The following TAF4B variants were observed in gnomAD, a reference collection of about 807,000 sequenced individuals.
The protein encoded by TAF4B is transcription initiation factor TFIID subunit 4B.
A neutral mutation model predicts 86.4 loss-of-function variants in TAF4B; 38 were observed. The ratio of observed to expected loss-of-function variants is 0.44; its 90% CI spans 0.34 to 0.58. The LOEUF is 0.58. Ranked by LOEUF, TAF4B falls within the 20% of genes least tolerant of loss-of-function variation. TAF4B has a pLI of 0.02. For missense variants in TAF4B, 988 were observed against 1,027.6 expected (o/e 0.96, Z 0.53); for synonymous variants, 388 against 391.2 (o/e 0.99, Z 0.10).
intron 14 of TAF4B, among the ~76,000 whole-genome samples, chr18:26,364,956 C>T (rs1368331463): frequency 6.6e-6 from 1 of 151,110 alleles, no homozygotes; most frequent in Non-Finnish European, 1.5e-5. Context: ...TAGTATATGT[C>T]CTCTCCTTCT....
intron 1 of TAF4B, among the ~76,000 whole-genome samples, chr18:26,260,807 GAT>G (rs1248548313): frequency 2.0e-5 from 3 of 152,174 alleles, no homozygotes; most frequent in African/African-American, 7.2e-5. Context: ...TATCTCTAGT[GAT>G]ATTCTAGATG....
intron 1 of TAF4B, among the ~76,000 whole-genome samples, chr18:26,227,836 T>C (rs1401931463): frequency 1.3e-5 from 2 of 152,234 alleles, no homozygotes; most frequent in African/African-American, 4.8e-5. Flanking sequence ...AGTTCTTGTG[T>C]ATTACAACTG....
intron 9 of TAF4B, among the ~76,000 whole-genome samples, chr18:26,297,251 C>G (rs2056675272): frequency 6.6e-6 from 1 of 151,650 alleles, no homozygotes; most frequent in Non-Finnish European, 1.5e-5. Context: ...GTCCGAAGAA[C>G]AAAGAGAAGG....
intron 13 of TAF4B, chr18:26,348,633 C>T (rs1233408581): frequency 6.5e-6 from 1 of 153,220 alleles, no homozygotes; most frequent in African/African-American, 2.4e-5. Flanking sequence ...ATAAGTGTGT[C>T]AGTGCCTTTA....
intron 1 of TAF4B, among the ~76,000 whole-genome samples, chr18:26,242,619 C>T (rs563369415): frequency 6.6e-6 from 1 of 152,228 alleles, no homozygotes; most frequent in African/African-American, 2.4e-5. Context: ...GAATTTGATC[C>T]TGTCATTATG....
chr18:26,229,902 TTAAG>T (rs1023439593), intron 1 of TAF4B, among the ~76,000 whole-genome samples: 5 of 152,028 alleles, frequency 3.3e-5, no homozygotes, highest in African/African-American at 7.3e-5. Context: ...AATGAATACT[TTAAG>T]TATTTGATTC....
intron 13 of TAF4B, among the ~76,000 whole-genome samples, chr18:26,345,338 G>A (rs145971076): frequency 2.4e-3 from 359 of 152,266 alleles, no homozygotes; most frequent in Non-Finnish European, 3.0e-3. Context: ...TGTGTTTTTC[G>A]CAAAAGTAAC....
rs1284819407 is a variant in TAF4B, at chr18:26,285,161, C to T, written c.973-721C>T. Reference sequence around the variant, plus strand: ...TTAATTTTTGTGTTTTTTGTAGAGACGAGGTTTTACCATGTTGCCTAGGCT... The same window carrying T: ...TTAATTTTTGTGTTTTTTGTAGAGATGAGGTTTTACCATGTTGCCTAGGCT... On this transcript the variant is annotated intron_variant, in intron 6 of 14. Transcript: ENST00000269142. Among the ~76,000 whole-genome samples the T allele has an allele frequency of 3.7e-5, 5 of 136,366 alleles. No individual in the cohort carries two copies. The East Asian group carries it at 7.2e-4, about 20-fold the overall frequency. 89.5% of individuals were successfully genotyped at this position (136,366 alleles called of 152,430 possible).
intron 13 of TAF4B, among the ~76,000 whole-genome samples, chr18:26,346,319 T>G (rs1443374193): frequency 1.5e-5 from 1 of 67,394 alleles, no homozygotes; most frequent in Non-Finnish European, 3.1e-5. Flanking sequence ...AGACCCCCCC[T>G]CCCCCCAAAA....
intron 10 of TAF4B, among the ~76,000 whole-genome samples, chr18:26,320,512 C>T (rs565566318): frequency 2.0e-5 from 3 of 152,198 alleles, no homozygotes; most frequent in Admixed American, 6.5e-5. Context: ...GTTTTGAACC[C>T]ATTTGAACTT....
intron 9 of TAF4B, among the ~76,000 whole-genome samples, chr18:26,310,993 T>G (rs1211914453): frequency 1.3e-5 from 2 of 152,150 alleles, no homozygotes; most frequent in African/African-American, 4.8e-5. Context: ...TCTTGGAGAT[T>G]GTCTCATCAG....
intron 1 of TAF4B, among the ~76,000 whole-genome samples, chr18:26,231,034 CTTTTTTTTTTTTTTT>C (rs536863843): frequency 3.0e-5 from 2 of 66,164 alleles, no homozygotes; most frequent in Non-Finnish European, 5.6e-5. Flanking sequence ...TGTTGTTTTG[CTTTTTTTTTTTTTTT>C]TTTTTTTTTT....
chr18:26,337,424 CT>C (rs551888808), intron 13 of TAF4B, among the ~76,000 whole-genome samples: 5,181 of 125,956 alleles, frequency 0.041, 85 homozygotes, highest in Non-Finnish European at 0.057. Flanking sequence ...TTCTTTCTTT[CT>C]TTTTTTTTTT....
At chr18:26,371,204 A>G (rs1427274140) in intron 14 of TAF4B, among the ~76,000 whole-genome samples, 1 of 152,224 alleles carries the variant, frequency 6.6e-6, no homozygotes, top group African/African-American at 2.4e-5. Context: ...ATTCTACTGA[A>G]TCGACACATA....
intron 14 of TAF4B, among the ~76,000 whole-genome samples, chr18:26,387,217 C>T (rs1006211864): frequency 6.6e-6 from 1 of 152,124 alleles, no homozygotes; most frequent in Non-Finnish European, 1.5e-5. Context: ...AGACGCACAC[C>T]ACCATGCCTG....
intron 1 of TAF4B, among the ~76,000 whole-genome samples, chr18:26,258,210 C>T (rs1233701710): frequency 1.3e-5 from 2 of 150,378 alleles, no homozygotes; most frequent in African/African-American, 4.9e-5. Flanking sequence ...GCTGAGATCG[C>T]ACCACTGCAC....
chr18:26,265,786 T>G (rs1015600418), intron 2 of TAF4B, among the ~76,000 whole-genome samples: 35 of 152,180 alleles, frequency 2.3e-4, no homozygotes, highest in African/African-American at 8.4e-4. Context: ...CTTGAATTCT[T>G]GGGCTCATGA....
At chr18:26,250,293 C>T (rs1343896330) in intron 1 of TAF4B, among the ~76,000 whole-genome samples, 2 of 152,006 alleles carry the variant, frequency 1.3e-5, no homozygotes, top group Admixed American at 6.6e-5. Flanking sequence ...GTCAGGAGAT[C>T]GAGACTGTCC....
At chr18:26,370,608 C>T (rs1271978956) in intron 14 of TAF4B, among the ~76,000 whole-genome samples, 1 of 152,158 alleles carries the variant, frequency 6.6e-6, no homozygotes, top group African/African-American at 2.4e-5. Flanking sequence ...CTATAATCAG[C>T]CTCAGGTTCC....
Sources: gnomAD v4.1 joint callset for allele counts (sites outside exome capture counted in the v4.1 genomes callset) on GRCh38, gnomAD v4.1.1 for gene constraint, MANE v1.5 for transcripts, NCBI Gene and HGNC (gene_info 2026-07-23, HGNC 2026-07-21) for gene names.